SRRM3: variants seen among roughly 807,000 people sequenced by gnomAD.
The protein encoded by SRRM3 is serine/arginine repetitive matrix 3.
SRRM3 carries 27 observed loss-of-function variants against 66.2 expected under a neutral mutation model. The observed-to-expected ratio is 0.41, with a 90% confidence interval of 0.30 to 0.56. The LOEUF (loss-of-function observed/expected upper bound fraction) is 0.56. Among genes scored for constraint, SRRM3 ranks in the 20% least tolerant of loss-of-function variants. SRRM3 has a pLI of 0.32. For synonymous variants in SRRM3, 391 were observed against 414.9 expected, an observed-to-expected ratio of 0.94 and a Z score of 0.70; for missense variants, 918 against 991.9, an observed-to-expected ratio of 0.93 and a Z score of 1.00.
intron 2 of SRRM3, among the ~76,000 whole-genome samples, chr7:76,235,631 C>A (rs1448838316): frequency 6.6e-6 from 1 of 151,998 alleles, no homozygotes; most frequent in Non-Finnish European, 1.5e-5. Flanking sequence ...TTTGAAAGGC[C>A]GAGGCGAGCG....
intron 11 of SRRM3, 140 bp from the exon 12 acceptor site, chr7:76,281,301 C>A: frequency 1.9e-6 from 1 of 538,340 alleles, no homozygotes; most frequent in Non-Finnish European, 2.6e-6. Context: ...CTGTCTCTCC[C>A]TCTTTCCTCT....
At chr7:76,247,025 C>G (rs1411732614) in intron 2 of SRRM3, among the ~76,000 whole-genome samples, 1 of 152,164 alleles carries the variant, frequency 6.6e-6, no homozygotes, top group Non-Finnish European at 1.5e-5. Context: ...ATGCCAGGCA[C>G]GGGGCCAGGG....
At chr7:76,240,094 A>T (rs1801246259) in intron 2 of SRRM3, among the ~76,000 whole-genome samples, 2 of 152,024 alleles carry the variant, frequency 1.3e-5, no homozygotes, top group African/African-American at 2.4e-5. Context: ...TGAACCCAGG[A>T]GGTGGAGATT....
chr7:76,232,273 C>T (rs1018251507), intron 1 of SRRM3, among the ~76,000 whole-genome samples: 1 of 152,064 alleles, frequency 6.6e-6, no homozygotes, highest in Admixed American at 6.6e-5. Flanking sequence ...TGGCTCATGC[C>T]TGTAATCCCA....
chr7:76,255,491 G>A (rs1170419222), intron 3 of SRRM3, among the ~76,000 whole-genome samples: 2 of 152,068 alleles, frequency 1.3e-5, no homozygotes, highest in East Asian at 3.9e-4. Flanking sequence ...ACTCAAGCTG[G>A]AGTGCAGTGG....
At position 76,281,607 on chromosome 7, in the gene SRRM3, G is replaced by A; in HGVS notation, c.1175G>A (p.Arg392Lys). The A allele has an allele frequency of 1.0e-6, 1 of 977,396 alleles. No individual in the cohort carries two copies. Among genetic ancestry groups the A allele is most frequent in the Non-Finnish European group, 1.2e-6 (1 of 825,274 alleles). 60.5% of individuals were successfully genotyped at this position (977,396 alleles called of 1,614,324 possible). ...GGCAGGCGGCGGCGGCGGCGGCGTA[G>A]GCGGCGGCGCTCGCGGTCCTCGGCG... The part of the protein sequence containing the change: ...GAGRRRRRRR[R>K]RRRSRSSASA... The change falls in exon 12 of 15, where the codon AGG (arginine) becomes AAG (lysine). Residue 392 changes from arginine (R) to lysine (K), a missense_variant. By Grantham distance (26) the Arg-to-Lys change is conservative. Transcript: ENST00000611745.
intron 10 of SRRM3, among the ~76,000 whole-genome samples, chr7:76,266,911 G>A (rs1276219036): frequency 1.3e-5 from 2 of 151,684 alleles, no homozygotes; most frequent in Non-Finnish European, 2.9e-5. Context: ...GACCTCAAGC[G>A]ATCCGCCTGT....
chr7:76,204,154 G>C (rs1800233605), intron 1 of SRRM3, among the ~76,000 whole-genome samples: 1 of 152,058 alleles, frequency 6.6e-6, no homozygotes, highest in Non-Finnish European at 1.5e-5. Flanking sequence ...TCCTGAGATG[G>C]TCCATGGCCA....
rs782766036 is a variant in SRRM3 at position 76,282,979 on chromosome 7, G to A, written c.1611G>A (p.Glu537=). Reference sequence around the variant, plus strand: ...GGCCCCGCAGGGACAAGGACGGCGAGGGCCGCGCAAGGCACTCTGAGGCCG... The same window carrying A: ...GGCCCCGCAGGGACAAGGACGGCGAAGGCCGCGCAAGGCACTCTGAGGCCG... ...KKPLSRDKDG[E]GRARHSEAEA... The change falls in exon 14 of 15, where the codon GAG becomes GAA. Residue 537 remains glutamate (E), a synonymous_variant. Transcript: ENST00000611745. The A allele has an allele frequency of 1.8e-5, 26 of 1,413,240 alleles. No individual in the cohort carries two copies. In the South Asian group the frequency reaches 3.6e-4, roughly 20 times the overall value. 87.5% of individuals were successfully genotyped at this position (1,413,240 alleles called of 1,614,324 possible).
At chr7:76,256,475 C>T (rs1801715437) in intron 3 of SRRM3, among the ~76,000 whole-genome samples, 1 of 151,600 alleles carries the variant, frequency 6.6e-6, no homozygotes, top group African/African-American at 2.4e-5. Context: ...CCACTGCACT[C>T]CAGCCTGGGC....
At chr7:76,214,957 G>A (rs1229879117) in intron 1 of SRRM3, among the ~76,000 whole-genome samples, 1 of 150,444 alleles carries the variant, frequency 6.6e-6, no homozygotes, top group East Asian at 1.9e-4. Flanking sequence ...ACCTCAGAGG[G>A]AGAGAGATCT....
intron 1 of SRRM3, among the ~76,000 whole-genome samples, chr7:76,205,813 A>G (rs1643323973): frequency 6.6e-6 from 1 of 152,234 alleles, no homozygotes; most frequent in South Asian, 2.1e-4. Context: ...TTAAGACCCA[A>G]GTCTGTAAGT....
intron 1 of SRRM3, among the ~76,000 whole-genome samples, chr7:76,203,093 G>GCATC (rs1158892404): frequency 1.3e-5 from 2 of 152,224 alleles, no homozygotes; most frequent in African/African-American, 4.8e-5. Flanking sequence ...TGTCCAGGGA[G>GCATC]CATCTTAAGG....
At chr7:76,263,251 A>C (rs1801925965) in intron 8 of SRRM3, among the ~76,000 whole-genome samples, 2 of 152,146 alleles carry the variant, frequency 1.3e-5, no homozygotes, top group South Asian at 4.1e-4. Flanking sequence ...AGGCTCCAGC[A>C]CCCAAACCCA....
chr7:76,244,814 C>T (rs1324752627), intron 2 of SRRM3, among the ~76,000 whole-genome samples: 2 of 152,214 alleles, frequency 1.3e-5, no homozygotes, highest in Non-Finnish European at 2.9e-5. Flanking sequence ...TCACCAGAGC[C>T]ATTTTTTCAA....
chr7:76,254,874 C>A (rs1330120320), intron 3 of SRRM3, among the ~76,000 whole-genome samples: 1 of 151,970 alleles, frequency 6.6e-6, no homozygotes, highest in East Asian at 1.9e-4. Flanking sequence ...CGCCACTGGC[C>A]TCAGGAAGAG....
At chr7:76,226,224 T>C (rs1326253672) in intron 1 of SRRM3, among the ~76,000 whole-genome samples, 1 of 152,244 alleles carries the variant, frequency 6.6e-6, no homozygotes, top group Non-Finnish European at 1.5e-5. Flanking sequence ...GCATCCAGTT[T>C]GTGGCCCACT....
At position 76,250,220 on chromosome 7, in the gene SRRM3, T is replaced by TTTTTG. The variant is rs535216332; in HGVS notation, c.335+1955_335+1959dup. 3.7e-3 allele frequency among the ~76,000 whole-genome samples: 550 copies of TTTTTG among 150,652 alleles called. 1 individual carries two copies. Among genetic ancestry groups the TTTTTG allele is most frequent in the African/African-American group, 0.012 (492 of 40,894 alleles). On this transcript the variant is annotated intron_variant, in intron 3 of 14. Transcript: ENST00000611745. ...CACCATGGCCCAGCTAATTTTTGTT[T>TTTTTG]TTTTGTTTTGTTTTGTTTTGTTTTG...
chr7:76,282,998 G>T lies in SRRM3; in HGVS notation c.1630G>T (p.Glu544Ter). The change falls in exon 14 of 15, where the codon GAG becomes TAG. Residue 544 changes from glutamate (E) to a stop codon, truncating the protein, a stop_gained. Coordinates refer to ENST00000611745, the MANE Select transcript of SRRM3 (RefSeq NM_001110199.3). LOFTEE classifies it high-confidence loss of function. ...KDGEGRARHS[E>*]AEATRARRRS... ...CGGCGAGGGCCGCGCAAGGCACTCT[G>T]AGGCCGAGGCCACCCGCGCCCGGCG... 6.9e-7 allele frequency: 1 copy of T among 1,458,710 alleles called. No homozygotes were observed. Among genetic ancestry groups the T allele is most frequent in the Non-Finnish European group, 9.0e-7 (1 of 1,111,634 alleles). 90.4% of individuals were successfully genotyped at this position (1,458,710 alleles called of 1,614,324 possible). A position where few individuals can be genotyped will look rare whatever the true frequency, so the allele number is the denominator to read the frequency against.
Sources: gnomAD v4.1 joint callset for allele counts (sites outside exome capture counted in the v4.1 genomes callset) on GRCh38, gnomAD v4.1.1 for gene constraint, MANE v1.5 for transcripts, NCBI Gene and HGNC (gene_info 2026-07-23, HGNC 2026-07-21) for gene names.